LRP6: variants seen among roughly 807,000 people sequenced by gnomAD.
The protein encoded by LRP6 is low-density lipoprotein receptor-related protein 6.
In LRP6, 43 loss-of-function variants were observed where a neutral mutation model predicts 184.1. That is an observed-to-expected ratio of 0.23 (90% CI 0.18 to 0.30). The LOEUF (loss-of-function observed/expected upper bound fraction) is 0.30. Among genes scored for constraint, LRP6 ranks in the 10% least tolerant of loss-of-function variants. The pLI is 1.00. For missense variants in LRP6, 1,571 were observed against 2,005.3 expected (o/e 0.78, Z 4.14); for synonymous variants, 719 against 684.9 (o/e 1.05, Z -0.78).
At chr12:12,138,816 C>G in intron 15 of LRP6, 1 of 1,425,828 alleles carries the variant, frequency 7.0e-7, no homozygotes, top group Non-Finnish European at 9.4e-7. Context: ...TTGAAAAACC[C>G]TAACTTATAT....
At chr12:12,203,503 A>C (rs1863970344) in intron 2 of LRP6, 103 bp from the exon 3 acceptor site, 1 of 919,570 alleles carries the variant, frequency 1.1e-6, no homozygotes, top group African/African-American at 1.6e-5. Flanking sequence ...GCAGTGGCTC[A>C]CACTTGTAAT....
chr12:12,211,878 A>C (rs1181563929), intron 2 of LRP6, among the ~76,000 whole-genome samples: 3 of 152,222 alleles, frequency 2.0e-5, no homozygotes, highest in African/African-American at 7.2e-5. Flanking sequence ...ATCATCAAAG[A>C]AAATGCTAAC....
intron 15 of LRP6, among the ~76,000 whole-genome samples, chr12:12,143,339 A>C (rs1200217838): frequency 1.3e-5 from 2 of 152,202 alleles, no homozygotes; most frequent in African/African-American, 2.4e-5. Context: ...AATTCTCTCT[A>C]AACTATCAAT....
chr12:12,244,937 C>G (rs1001223366), intron 1 of LRP6, among the ~76,000 whole-genome samples: 1 of 152,098 alleles, frequency 6.6e-6, no homozygotes, highest in Non-Finnish European at 1.5e-5. Context: ...CAAGAATTGG[C>G]AATAATATGG....
At chr12:12,184,781 A>T (rs911120039) in intron 4 of LRP6, among the ~76,000 whole-genome samples, 1 of 152,224 alleles carries the variant, frequency 6.6e-6, no homozygotes, top group Non-Finnish European at 1.5e-5. Context: ...AGATTAACAT[A>T]GAAGGGATAA....
At chr12:12,196,251 AG>A (rs1863757559) in intron 3 of LRP6, among the ~76,000 whole-genome samples, 1 of 151,190 alleles carries the variant, frequency 6.6e-6, no homozygotes, top group Admixed American at 6.6e-5. Flanking sequence ...GTATTTTAAT[AG>A]GGACTCCACT....
At chr12:12,243,128 C>A (rs1326951875) in intron 2 of LRP6, among the ~76,000 whole-genome samples, 1 of 152,184 alleles carries the variant, frequency 6.6e-6, no homozygotes, top group Non-Finnish European at 1.5e-5. Context: ...GTTATCTATA[C>A]TTAGCCATGA....
At chr12:12,147,658 T>C in intron 14 of LRP6, 102 bp from the exon 15 acceptor site, 1 of 1,040,140 alleles carries the variant, frequency 9.6e-7, no homozygotes, top group Non-Finnish European at 1.5e-6. Context: ...TTTTAAGTAT[T>C]GTTTTTAAAA....
rs1863965472 is a variant in LRP6 at position 12,203,315 on chromosome 12, T to G, written c.535A>C (p.Ser179Arg). ...DGSSRFIIIN[S>R]EIYWPNGLTL... Reference sequence around the variant, plus strand: ...AGTCCATTTGGCCAGTAAATTTCACTGTTTATTATAATGAAGCGACTTGAA... The same window carrying G: ...AGTCCATTTGGCCAGTAAATTTCACGGTTTATTATAATGAAGCGACTTGAA... Residue 179 changes from serine to arginine, a missense_variant, in exon 3 of 23, where the codon AGT becomes CGT. By Grantham distance (110) the Ser-to-Arg change is moderately radical. Transcript: ENST00000261349. 3 of 1,613,998 alleles carry G rather than the reference T, an allele frequency of 1.9e-6. No homozygotes were observed. The African/African-American group carries it at 4.0e-5, about 22-fold the overall frequency.
At chr12:12,245,996 CTTTT>C (rs71061029) in intron 1 of LRP6, among the ~76,000 whole-genome samples, 331 of 90,182 alleles carry the variant, frequency 3.7e-3, no homozygotes, top group Middle Eastern at 6.9e-3. Flanking sequence ...TTTATATAAA[CTTTT>C]TTTTTTTTTT....
chr12:12,138,890 A>G (rs1395630256), intron 15 of LRP6: 8 of 1,372,562 alleles, frequency 5.8e-6, no homozygotes, highest in Admixed American at 1.9e-5. Context: ...AGTTCTGAGT[A>G]TACCTGAGGC....
Position 12,143,904 on chromosome 12 carries a change from T to G in LRP6, c.3397+3462A>C, listed in dbSNP as rs1286139329. Reference sequence around the variant, plus strand: ...ATATATACTATGTATCTATGATGTGTACAAGTGTGAAGTGTGAGCTTTTAG... The same window carrying G: ...ATATATACTATGTATCTATGATGTGGACAAGTGTGAAGTGTGAGCTTTTAG... On this transcript the variant is annotated intron_variant, in intron 15 of 22. Transcript: ENST00000261349. 2.6e-5 allele frequency among the ~76,000 whole-genome samples: 4 copies of G among 152,356 alleles called. No individual in the cohort carries two copies. The East Asian group carries it at 7.7e-4, about 29-fold the overall frequency.
chr12:12,240,096 C>T lies in LRP6; in HGVS notation c.449+4166G>A, dbSNP rs1327453475. 2.0e-5 allele frequency among the ~76,000 whole-genome samples: 3 copies of T among 151,976 alleles called. No individual in the cohort carries two copies. The East Asian group carries it at 5.8e-4, about 29-fold the overall frequency. On this transcript the variant is annotated intron_variant, in intron 2 of 22. Transcript: ENST00000261349. Reference sequence around the variant, plus strand: ...TTGTTGTTTCTTAATTTCCAAGACCCTGATTCATATGCCATTCAAGCTAAA... The same window carrying T: ...TTGTTGTTTCTTAATTTCCAAGACCTTGATTCATATGCCATTCAAGCTAAA...
intron 6 of LRP6, among the ~76,000 whole-genome samples, chr12:12,180,818 T>C (rs1242591676): frequency 6.6e-6 from 1 of 152,100 alleles, no homozygotes; most frequent in South Asian, 2.1e-4. Flanking sequence ...TCAGCAAACA[T>C]GGACTTAATT....
Position 12,213,109 on chromosome 12 carries a change from G to A in LRP6, c.450-9709C>T, listed in dbSNP as rs1476850186. Among the ~76,000 whole-genome samples the A allele has an allele frequency of 2.0e-5, 3 of 152,096 alleles. No homozygotes were observed. The East Asian group carries it at 5.8e-4, about 29-fold the overall frequency. On this transcript the variant is annotated intron_variant, in intron 2 of 22. Transcript: ENST00000261349. ...TTCAGTGAACAGCTTTTATCTAAAG[G>A]ACATTAACTCATACCTGATACTTTC...
At chr12:12,183,105 C>T (rs776678216) in intron 5 of LRP6, among the ~76,000 whole-genome samples, 57 of 152,188 alleles carry the variant, frequency 3.7e-4, no homozygotes, top group Non-Finnish European at 7.9e-4. Context: ...TTTATCAATG[C>T]CAAGTCATAA....
intron 9 of LRP6, among the ~76,000 whole-genome samples, chr12:12,163,090 C>T (rs1427758277): frequency 6.6e-6 from 1 of 152,118 alleles, no homozygotes; most frequent in East Asian, 1.9e-4. Flanking sequence ...ATTCTCGTGC[C>T]TCAGTTTCCC....
intron 6 of LRP6, among the ~76,000 whole-genome samples, 175 bp from the exon 7 acceptor site, chr12:12,180,156 T>C (rs1247698003): frequency 1.3e-5 from 2 of 149,678 alleles, no homozygotes; most frequent in Non-Finnish European, 3.0e-5. Flanking sequence ...CAGCAATATA[T>C]AAGATTGTGG....
chr12:12,260,687 C>A lies in LRP6; in HGVS notation c.55+5994G>T, dbSNP rs115378260. Reference sequence around the variant, plus strand: ...TTCTACTACCCCTTTACAAACATTTCGTCAGTTCTCACAGAAGTCTTGCAA... The same window carrying A: ...TTCTACTACCCCTTTACAAACATTTAGTCAGTTCTCACAGAAGTCTTGCAA... On this transcript the variant is annotated intron_variant, in intron 1 of 22. Coordinates refer to ENST00000261349, the MANE Select transcript of LRP6 (RefSeq NM_002336.3). Among the ~76,000 whole-genome samples the A allele has an allele frequency of 6.7e-3, 1,026 of 152,256 alleles. 12 individuals carry two copies. The highest frequency in any genetic ancestry group is 0.024 in the African/African-American group (995 of 41,566).
Sources: allele counts gnomAD v4.1 joint callset (sites outside exome capture counted in the v4.1 genomes callset), GRCh38; gene constraint gnomAD v4.1.1; transcripts MANE v1.5; gene names NCBI Gene and HGNC (gene_info 2026-07-23, HGNC 2026-07-21).